MED13L: variants seen among roughly 807,000 people sequenced by gnomAD.
MED13L encodes the protein mediator complex subunit 13L, also known as mediator of RNA polymerase II transcription subunit 13-like.
Under a neutral mutation model 220.9 loss-of-function variants are expected in MED13L, and 7 were observed. The ratio of observed to expected loss-of-function variants is 0.03; its 90% confidence interval spans 0.02 to 0.06. The LOEUF (loss-of-function observed/expected upper bound fraction) is 0.06. Ranked by LOEUF, MED13L falls within the 10% of genes least tolerant of loss-of-function variation. The pLI, the probability that MED13L is intolerant of heterozygous loss-of-function variation, is 1.00. For synonymous variants in MED13L, 1,011 were observed against 1,015.2 expected (o/e 1.00, Z 0.08); for missense variants, 1,965 against 2,760.5 (o/e 0.71, Z 6.46).
chr12:116,241,342 A>G (rs1009410573), intron 1 of MED13L, among the ~76,000 whole-genome samples: 1 of 147,654 alleles, frequency 6.8e-6, no homozygotes, highest in Non-Finnish European at 1.5e-5. Context: ...CAAAAAAAAA[A>G]CACACACACA....
intron 2 of MED13L, among the ~76,000 whole-genome samples, chr12:116,193,209 G>A (rs1444603107): frequency 6.6e-6 from 1 of 152,078 alleles, no homozygotes; most frequent in Non-Finnish European, 1.5e-5. Context: ...TGCTTGGGAG[G>A]CTGAAGTGGG....
chr12:116,032,381 T>C (rs1025759816), intron 4 of MED13L, among the ~76,000 whole-genome samples: 8 of 152,042 alleles, frequency 5.3e-5, no homozygotes, highest in Non-Finnish European at 1.0e-4. Flanking sequence ...TATAACAGGA[T>C]AATAATGACT....
At chr12:116,053,298 T>C (rs1428929650) in intron 4 of MED13L, among the ~76,000 whole-genome samples, 1 of 152,180 alleles carries the variant, frequency 6.6e-6, no homozygotes, top group East Asian at 1.9e-4. Context: ...AAAAGTAAAA[T>C]ATGACCATAA....
intron 3 of MED13L, among the ~76,000 whole-genome samples, chr12:116,107,559 T>C (rs1372861277): frequency 6.6e-6 from 1 of 152,212 alleles, no homozygotes; most frequent in East Asian, 1.9e-4. Context: ...CTGCATACAA[T>C]AGAAATTGCA....
At chr12:116,152,705 G>T (rs1451432293) in intron 2 of MED13L, among the ~76,000 whole-genome samples, 4 of 152,152 alleles carry the variant, frequency 2.6e-5, no homozygotes, top group African/African-American at 9.7e-5. Flanking sequence ...TAAATGAAAT[G>T]TGAGTATTGC....
chr12:116,236,659 T>TAG (rs1870110492), intron 2 of MED13L, among the ~76,000 whole-genome samples: 1 of 152,180 alleles, frequency 6.6e-6, no homozygotes, highest in South Asian at 2.1e-4. Flanking sequence ...AACTAAAGAT[T>TAG]AGAATTAGTC....
Position 115,983,122 on chromosome 12 carries a change from T to C in MED13L, c.4950A>G (p.Gln1650=), listed in dbSNP as rs1243736959. 2 of 1,614,080 alleles carry C rather than the reference T, an allele frequency of 1.2e-6. No homozygotes were observed. Among genetic ancestry groups the C allele is most frequent in the South Asian group, 2.2e-5 (2 of 91,080 alleles). Residue 1650 remains glutamine, a synonymous_variant, in exon 21 of 31, where the codon CAA becomes CAG. Coordinates refer to ENST00000281928, the MANE Select transcript of MED13L (RefSeq NM_015335.5). ...QSSSQPSQDG[Q]ESVTERERIG... Reference sequence around the variant, plus strand: ...TCAATTAGTGAATAACATACCTCTCTTGTCCATCCTGTGAGGGCTGAGAAG... The same window carrying C: ...TCAATTAGTGAATAACATACCTCTCCTGTCCATCCTGTGAGGGCTGAGAAG...
At chr12:116,238,084 G>T (rs1392513715) in intron 1 of MED13L, among the ~76,000 whole-genome samples, 1 of 152,116 alleles carries the variant, frequency 6.6e-6, no homozygotes, top group Non-Finnish European at 1.5e-5. Context: ...TTAAAAATAA[G>T]TTTGTATATA....
chr12:116,156,222 T>C (rs1259393296), intron 2 of MED13L, among the ~76,000 whole-genome samples: 3 of 151,996 alleles, frequency 2.0e-5, no homozygotes, highest in Non-Finnish European at 4.4e-5. Flanking sequence ...AGTATAAATA[T>C]CTTTCCAACC....
intron 4 of MED13L, among the ~76,000 whole-genome samples, chr12:116,095,026 G>A (rs925313115): frequency 1.3e-5 from 2 of 152,094 alleles, no homozygotes; most frequent in African/African-American, 4.8e-5. Flanking sequence ...GCTGGGTGTG[G>A]TGGTGTGTGC....
intron 2 of MED13L, among the ~76,000 whole-genome samples, chr12:116,158,712 G>A (rs1878633785): frequency 6.6e-6 from 1 of 152,114 alleles, no homozygotes; most frequent in Non-Finnish European, 1.5e-5. Flanking sequence ...CAAAATTAAT[G>A]CTCATGTGAC....
At chr12:116,060,406 C>T (rs917424551) in intron 4 of MED13L, among the ~76,000 whole-genome samples, 1 of 151,588 alleles carries the variant, frequency 6.6e-6, no homozygotes, top group Non-Finnish European at 1.5e-5. Flanking sequence ...GGTAAAACCC[C>T]GTCTCTATTA....
chr12:116,268,947 C>T (rs951529717), intron 1 of MED13L, among the ~76,000 whole-genome samples: 2 of 151,952 alleles, frequency 1.3e-5, no homozygotes, highest in Non-Finnish European at 2.9e-5. Context: ...TTTTTTTTCC[C>T]CATCAACTTT....
At chr12:116,241,697 A>G (rs1870671599) in intron 1 of MED13L, among the ~76,000 whole-genome samples, 1 of 152,234 alleles carries the variant, frequency 6.6e-6, no homozygotes. Context: ...AATGCAAGTG[A>G]CACAACAGCA....
intron 4 of MED13L, among the ~76,000 whole-genome samples, chr12:116,025,903 G>A (rs933304405): frequency 1.3e-5 from 2 of 152,146 alleles, no homozygotes; most frequent in African/African-American, 2.4e-5. Context: ...TTATGGATTT[G>A]TTAATTACCC....
intron 2 of MED13L, among the ~76,000 whole-genome samples, chr12:116,222,602 T>C (rs1271423549): frequency 6.6e-6 from 1 of 152,172 alleles, no homozygotes; most frequent in Non-Finnish European, 1.5e-5. Flanking sequence ...CTGGGAAACA[T>C]GGCGGCATTT....
intron 4 of MED13L, among the ~76,000 whole-genome samples, chr12:116,087,740 C>T (rs1871827357): frequency 1.3e-5 from 2 of 151,772 alleles, no homozygotes; most frequent in Non-Finnish European, 2.9e-5. Flanking sequence ...CTACCTCATT[C>T]TGCAAAAAAA....
chr12:116,257,904 AT>A (rs1179409258), intron 1 of MED13L, among the ~76,000 whole-genome samples: 2 of 152,142 alleles, frequency 1.3e-5, no homozygotes, highest in Non-Finnish European at 2.9e-5. Flanking sequence ...AAAAAAATCT[AT>A]TTCCCTATCT....
intron 2 of MED13L, among the ~76,000 whole-genome samples, chr12:116,158,282 G>A (rs1344354959): frequency 6.6e-6 from 1 of 152,082 alleles, no homozygotes; most frequent in Non-Finnish European, 1.5e-5. Flanking sequence ...AAGGGAAGAG[G>A]GGATGGGATA....
Sources: gnomAD v4.1 joint callset for allele counts (sites outside exome capture counted in the v4.1 genomes callset) on GRCh38, gnomAD v4.1.1 for gene constraint, MANE v1.5 for transcripts, NCBI Gene and HGNC (gene_info 2026-07-23, HGNC 2026-07-21) for gene names.